The following NOL8 variants were observed in gnomAD, a reference collection of about 807,000 sequenced individuals.
NOL8 encodes the protein nucleolar protein Nop132.
A neutral mutation model predicts 116.1 loss-of-function variants in NOL8; 93 were observed. The observed-to-expected ratio is 0.80, with a 90% CI of 0.68 to 0.95. NOL8 has a LOEUF of 0.95. NOL8 is among the 40% of genes least tolerant of loss of function. The pLI, the probability that NOL8 is intolerant of heterozygous loss-of-function variation, is 0.00. For missense variants in NOL8, 1,291 were observed against 1,382.8 expected, an observed-to-expected ratio of 0.93 and a Z score of 1.05; for synonymous variants, 419 against 469.0, an observed-to-expected ratio of 0.89 and a Z score of 1.38.
At chr9:92,318,987 T>C in intron 5 of NOL8, 1 of 518,784 alleles carries the variant, frequency 1.9e-6, no homozygotes, top group Non-Finnish European at 3.3e-6. Context: ...CCTATGTCCC[T>C]TGAAAGTCCA....
chr9:92,300,942 C>CA, intron 13 of NOL8: 2 of 859,596 alleles, frequency 2.3e-6, no homozygotes, highest in Non-Finnish European at 1.4e-6. Context: ...CCTGCTTTTA[C>CA]AGTGGGAACT....
chr9:92,303,740 G>A lies in NOL8; in HGVS notation c.2904-1918C>T, dbSNP rs190562429. 3.0e-3 allele frequency among the ~76,000 whole-genome samples: 453 copies of A among 152,292 alleles called. 2 individuals carry two copies. The highest frequency in any genetic ancestry group is 0.01 in the African/African-American group (423 of 41,546). ...GGACCACTTGAGCCCAGGAGTTCAA[G>A]GCTACAGTGAGCTATGATTGTGCCA... On this transcript the variant is annotated intron_variant, in intron 12 of 16. Coordinates refer to ENST00000442668, the MANE Select transcript of NOL8 (RefSeq NM_017948.6).
intron 5 of NOL8, 169 bp from the exon 6 acceptor site, chr9:92,318,855 G>GA (rs989100264): frequency 1.2e-3 from 621 of 533,950 alleles, no homozygotes; most frequent in South Asian, 1.8e-3. Flanking sequence ...TGAGAGGAAA[G>GA]AAAAAAAAAG....
At chr9:92,320,884 G>T (rs541561755) in intron 4 of NOL8, among the ~76,000 whole-genome samples, 7 of 152,328 alleles carry the variant, frequency 4.6e-5, no homozygotes, top group South Asian at 2.1e-4. Flanking sequence ...TGGGATTACA[G>T]GCGTGAGCCA....
rs1435320336 is a variant in NOL8 at position 92,297,811 on chromosome 9, C to G, written c.*25G>C. On this transcript the variant is annotated 3_prime_UTR_variant, in exon 17 of 17. Transcript: ENST00000442668. ...TCCTTAGGTGAGCCTTGTTCACATTCAGTATCAAAACCAGCTGACATTTAT... is the reference window on the plus strand; with the variant it reads ...TCCTTAGGTGAGCCTTGTTCACATTGAGTATCAAAACCAGCTGACATTTAT... 5 of 1,531,626 alleles carry G rather than the reference C, an allele frequency of 3.3e-6. No individual in the cohort carries two copies. Among genetic ancestry groups the G allele is most frequent in the Non-Finnish European group, 4.4e-6 (5 of 1,132,072 alleles). 94.9% of individuals were successfully genotyped at this position (1,531,626 alleles called of 1,614,324 possible).
rs539584124 is a variant in NOL8 at position 92,307,082 on chromosome 9, A to T, written c.2687-58T>A. On this transcript the variant is annotated intron_variant, in intron 10 of 16. Transcript: ENST00000442668. ...GGAAAACACAGCCTGAGAAGTCTCA[A>T]TCATCAAATATTTACCAAGTACCTA... is the stretch of plus-strand genomic sequence containing the variant. The T allele has an allele frequency of 7.9e-6, 12 of 1,522,224 alleles. No homozygotes were observed. In the East Asian group the frequency reaches 2.7e-4, roughly 34 times the overall value. 94.3% of individuals were successfully genotyped at this position (1,522,224 alleles called of 1,614,324 possible).
Position 92,301,577 on chromosome 9 carries a change from T to C in NOL8, c.3149A>G (p.Asp1050Gly). The change falls in exon 13 of 17, where the codon GAT (aspartate) becomes GGT (glycine). Residue 1050 changes from aspartate (D) to glycine (G), a missense_variant. Asp to Gly is a moderately conservative substitution (Grantham distance 94). Transcript: ENST00000442668. ...QPSGFTFSFF[D>G]SDTKDIKEET... ...TTCCTTTATGTCTTTAGTGTCTGAA[T>C]CAAAAAAAGAGAACGTGAACCCGCT... 6.2e-7 allele frequency: 1 copy of C among 1,601,508 alleles called. No homozygotes were observed. Among genetic ancestry groups the C allele is most frequent in the Non-Finnish European group, 8.5e-7 (1 of 1,174,948 alleles).
At chr9:92,310,016 CA>C (rs1838624558) in intron 10 of NOL8, among the ~76,000 whole-genome samples, 154 bp downstream of exon 10, 1 of 152,190 alleles carries the variant, frequency 6.6e-6, no homozygotes, top group Admixed American at 6.5e-5. Context: ...TATGTACAAA[CA>C]AACTTAGTAT....
chr9:92,316,367 A>G (rs1226477279), intron 6 of NOL8, among the ~76,000 whole-genome samples: 4 of 152,260 alleles, frequency 2.6e-5, no homozygotes, highest in Non-Finnish European at 5.9e-5. Flanking sequence ...GTTGGCAGAA[A>G]TTACTTGGAG....
rs74596075 is a variant in NOL8 at position 92,304,564 on chromosome 9, A to T, written c.2903+1189T>A. Reference sequence around the variant, plus strand: ...GGGGGTAAACATATCCTATTTGTTCAATACGGATTATCTGAAATAACACAC... The same window carrying T: ...GGGGGTAAACATATCCTATTTGTTCTATACGGATTATCTGAAATAACACAC... On this transcript the variant is annotated intron_variant, in intron 12 of 16. Coordinates refer to ENST00000442668, the MANE Select transcript of NOL8 (RefSeq NM_017948.6). Among the ~76,000 whole-genome samples the T allele has an allele frequency of 5.2e-4, 79 of 152,322 alleles. No homozygotes were observed. The East Asian group carries it at 0.015, about 28-fold the overall frequency.
At chr9:92,305,707 G>C (rs1838176794) in intron 12 of NOL8, 46 bp downstream of exon 12, 1 of 1,301,738 alleles carries the variant, frequency 7.7e-7, no homozygotes, top group East Asian at 2.3e-5. Flanking sequence ...TCTGAAATGA[G>C]ATTAATTTAC....
chr9:92,323,893 T>C (rs1840160438), intron 2 of NOL8, 130 bp downstream of exon 2: 1 of 1,014,532 alleles, frequency 9.9e-7, no homozygotes, highest in Non-Finnish European at 1.4e-6. Flanking sequence ...CATCACACAT[T>C]ATACCTCCAC....
chr9:92,309,477 C>T (rs888978182), intron 10 of NOL8, among the ~76,000 whole-genome samples: 9 of 151,274 alleles, frequency 5.9e-5, no homozygotes, highest in African/African-American at 2.2e-4. Flanking sequence ...GATTAAAATG[C>T]AGATTAGATT....
Position 92,324,130 on chromosome 9 carries a change from TA to T in NOL8, c.31del (p.Tyr11MetfsTer50). MKVNRETKRL[Y>X]VGGLSQDISE... ...AATGTCCTGGCTAAGGCCACCCACATAAAGGCGCTTCGTTTCTCTGTTCACT... is the reference window on the plus strand; with the variant it reads ...AATGTCCTGGCTAAGGCCACCCACATAAGGCGCTTCGTTTCTCTGTTCACT... On this transcript the variant is annotated frameshift_variant, in exon 2 of 17. Transcript: ENST00000442668. LOFTEE classifies it high-confidence loss of function. 1 of 1,613,966 alleles carries T rather than the reference TA, an allele frequency of 6.2e-7. No individual in the cohort carries two copies. Among genetic ancestry groups the T allele is most frequent in the Non-Finnish European group, 8.5e-7 (1 of 1,179,832 alleles).
intron 6 of NOL8, 75 bp from the exon 7 acceptor site, chr9:92,316,213 T>G (rs1839395791): frequency 1.3e-5 from 19 of 1,455,950 alleles, no homozygotes; most frequent in Admixed American, 5.0e-5. Flanking sequence ...CAAAAAATAT[T>G]GCTTAATCTC....
In NOL8 at chr9:92,311,137, ACTT is replaced by A. The variant is rs1326968925; in HGVS notation, c.2472+6_2472+8del. 6.3e-7 allele frequency: 1 copy of A among 1,597,646 alleles called. No homozygotes were observed. Among genetic ancestry groups the A allele is most frequent in the South Asian group, 1.1e-5 (1 of 90,444 alleles). On this transcript the variant is annotated splice_donor_region_variant and intron_variant, in intron 8 of 16. Coordinates refer to ENST00000442668, the MANE Select transcript of NOL8 (RefSeq NM_017948.6). ...ATGAATGTCCACAGAGACATCCTGA[ACTT>A]CTTACTTTCACCCATTCCTCTCCTG...
intron 9 of NOL8, 103 bp from the exon 10 acceptor site, chr9:92,310,364 C>T (rs1280803500): frequency 6.7e-6 from 8 of 1,199,166 alleles, no homozygotes; most frequent in African/African-American, 6.0e-5. Context: ...AAATTCACTA[C>T]ATTAAGATGT....
At chr9:92,314,144 C>A in intron 7 of NOL8, 123 bp downstream of exon 7, 1 of 1,334,716 alleles carries the variant, frequency 7.5e-7, no homozygotes, top group Non-Finnish European at 9.6e-7. Flanking sequence ...AACTCAAGAA[C>A]CAAAACATGA....
chr9:92,305,886 AAAGT>A (rs1838207386), intron 11 of NOL8, 56 bp from the exon 12 acceptor site: 9 of 1,180,422 alleles, frequency 7.6e-6, no homozygotes, highest in Non-Finnish European at 8.8e-6. Flanking sequence ...ACTAATACAA[AAAGT>A]AAGTAGCAAA....
Sources: gnomAD v4.1 joint callset for allele counts (sites outside exome capture counted in the v4.1 genomes callset) on GRCh38, gnomAD v4.1.1 for gene constraint, MANE v1.5 for transcripts, NCBI Gene and HGNC (gene_info 2026-07-23, HGNC 2026-07-21) for gene names.